WDPCP: variants seen among roughly 807,000 people sequenced by gnomAD.
WDPCP encodes the protein WD repeat containing planar cell polarity effector, also known as WD repeat-containing and planar cell polarity effector protein fritz homolog.
Under a neutral mutation model 93.1 loss-of-function variants are expected in WDPCP, and 71 were observed. The observed-to-expected ratio is 0.76, with a 90% CI of 0.63 to 0.93. The LOEUF (loss-of-function observed/expected upper bound fraction) is 0.93, where lower values mean the gene tolerates loss of function less well. Ranked by LOEUF, WDPCP falls within the 40% of genes least tolerant of loss-of-function variation. WDPCP has a pLI of 0.00. For synonymous variants in WDPCP, 315 were observed against 315.0 expected (o/e 1.00, Z 0.00); for missense variants, 844 against 887.4 (o/e 0.95, Z 0.62).
intron 13 of WDPCP, among the ~76,000 whole-genome samples, chr2:63,283,909 T>G (rs1683768710): frequency 1.3e-5 from 2 of 152,244 alleles, no homozygotes; most frequent in Middle Eastern, 6.8e-3. Flanking sequence ...GGAATTCTAA[T>G]GAGGAATGAA....
At position 63,313,245 on chromosome 2, in the gene WDPCP, C is replaced by T. The variant is rs371616817; in HGVS notation, c.1812+3G>A. The T allele has an allele frequency of 3.1e-6, 5 of 1,613,226 alleles. No individual in the cohort carries two copies. Among genetic ancestry groups the T allele is most frequent in the Non-Finnish European group, 3.4e-6 (4 of 1,179,478 alleles). On this transcript the variant is annotated splice_donor_region_variant and intron_variant, in intron 13 of 17. Coordinates refer to ENST00000272321, the MANE Select transcript of WDPCP (RefSeq NM_015910.7). ...CACAAAATCATCTCTGAAAATGACT[C>T]ACCATAAAGAGGTCACGAGCACCAA... is the stretch of plus-strand genomic sequence containing the variant.
At chr2:63,601,026 G>C (rs115912382) in intron 3 of WDPCP, among the ~76,000 whole-genome samples, 1,615 of 152,256 alleles carry the variant, frequency 0.011, 20 homozygotes, top group Middle Eastern at 0.031. Context: ...CTTTGTCCTG[G>C]TGCCTGAAAC....
chr2:63,318,145 C>T (rs1474282432), intron 12 of WDPCP, among the ~76,000 whole-genome samples: 1 of 152,078 alleles, frequency 6.6e-6, no homozygotes, highest in Non-Finnish European at 1.5e-5. Flanking sequence ...AGACACTCAG[C>T]CAACAAGCAT....
At chr2:63,183,088 TTC>T (rs1451902708) in intron 14 of WDPCP, among the ~76,000 whole-genome samples, 4 of 151,952 alleles carry the variant, frequency 2.6e-5, no homozygotes, top group African/African-American at 4.8e-5. Flanking sequence ...CGAACCAACT[TTC>T]TGTTTCTTTG....
chr2:63,270,074 A>G (rs1013392377), intron 13 of WDPCP, among the ~76,000 whole-genome samples: 2 of 152,208 alleles, frequency 1.3e-5, no homozygotes, highest in Non-Finnish European at 2.9e-5. Flanking sequence ...TTTCAAGATA[A>G]GGAAGTATGT....
At chr2:63,340,887 A>G (rs1688788348) in intron 12 of WDPCP, among the ~76,000 whole-genome samples, 2 of 152,278 alleles carry the variant, frequency 1.3e-5, no homozygotes, top group South Asian at 4.1e-4. Flanking sequence ...CTTTTTAAAA[A>G]TGTAGGCATT....
chr2:63,691,480 C>T (rs949180929), intron 2 of WDPCP, among the ~76,000 whole-genome samples: 2 of 152,010 alleles, frequency 1.3e-5, no homozygotes, highest in African/African-American at 4.8e-5. Context: ...ACTAAAAACA[C>T]AAAAATCAGC....
chr2:63,342,586 A>G (rs1465438729), intron 12 of WDPCP, among the ~76,000 whole-genome samples: 1 of 152,196 alleles, frequency 6.6e-6, no homozygotes, highest in Non-Finnish European at 1.5e-5. Flanking sequence ...ATTTATAACA[A>G]TCTAGTTTCA....
At chr2:63,459,892 G>C (rs961992448) in intron 6 of WDPCP, among the ~76,000 whole-genome samples, 1 of 151,786 alleles carries the variant, frequency 6.6e-6, no homozygotes, top group African/African-American at 2.4e-5. Context: ...ACTCCAGCCT[G>C]AGCAACAGAG....
intron 12 of WDPCP, among the ~76,000 whole-genome samples, chr2:63,337,561 AG>A (rs1301395694): frequency 6.6e-6 from 1 of 152,196 alleles, no homozygotes; most frequent in Non-Finnish European, 1.5e-5. Flanking sequence ...TTCTGGTTTT[AG>A]TTTTTCGAGG....
chr2:63,796,213 G>A (rs1201628912), intron 2 of WDPCP, among the ~76,000 whole-genome samples: 4 of 152,216 alleles, frequency 2.6e-5, no homozygotes, highest in Non-Finnish European at 5.9e-5. Context: ...TACTAAGTAC[G>A]AAGCTGACAT....
intron 12 of WDPCP, among the ~76,000 whole-genome samples, chr2:63,364,707 C>T (rs925883967): frequency 1.3e-5 from 2 of 152,152 alleles, no homozygotes; most frequent in Non-Finnish European, 2.9e-5. Flanking sequence ...GTGCTAGGAC[C>T]TATGAAGTCA....
At chr2:63,309,217 T>C (rs2103888123) in intron 13 of WDPCP, among the ~76,000 whole-genome samples, 1 of 152,312 alleles carries the variant, frequency 6.6e-6, no homozygotes, top group Admixed American at 6.5e-5. Flanking sequence ...AGTGTATCCA[T>C]GTGACAAACC....
chr2:63,657,132 C>G (rs1710175974), intron 2 of WDPCP, among the ~76,000 whole-genome samples: 2 of 150,008 alleles, frequency 1.3e-5, no homozygotes, highest in Non-Finnish European at 2.9e-5. Context: ...ATGGTAAGGG[C>G]TACTTTATTA....
chr2:63,377,264 G>T (rs1691921701), intron 12 of WDPCP, among the ~76,000 whole-genome samples: 1 of 151,508 alleles, frequency 6.6e-6, no homozygotes, highest in Admixed American at 6.6e-5. Context: ...AAAAATAAGA[G>T]AATATACATC....
At chr2:63,777,167 T>C (rs764933375) in intron 2 of WDPCP, among the ~76,000 whole-genome samples, 2 of 152,194 alleles carry the variant, frequency 1.3e-5, no homozygotes, top group Non-Finnish European at 2.9e-5. Context: ...TATTGAAATA[T>C]CATATTGTAC....
At chr2:63,341,381 G>A (rs1261674516) in intron 12 of WDPCP, among the ~76,000 whole-genome samples, 1 of 152,120 alleles carries the variant, frequency 6.6e-6, no homozygotes, top group Non-Finnish European at 1.5e-5. Flanking sequence ...CACCCTCCTC[G>A]GCCTCCCAAA....
intron 3 of WDPCP, among the ~76,000 whole-genome samples, chr2:63,627,823 G>T (rs1450113142): frequency 6.6e-6 from 1 of 152,128 alleles, no homozygotes; most frequent in African/African-American, 2.4e-5. Context: ...ATTTTTCCTG[G>T]ACGCCGAACA....
chr2:63,660,744 A>G (rs1376819878), intron 2 of WDPCP, among the ~76,000 whole-genome samples: 1 of 152,236 alleles, frequency 6.6e-6, no homozygotes. Context: ...AGATAATGAA[A>G]ATTTCAGGGA....
Sources: gnomAD v4.1 joint callset for allele counts (sites outside exome capture counted in the v4.1 genomes callset) on GRCh38, gnomAD v4.1.1 for gene constraint, MANE v1.5 for transcripts, NCBI Gene and HGNC (gene_info 2026-07-23, HGNC 2026-07-21) for gene names.